Variants in RPS6KA2 observed in about 807,000 individuals in gnomAD.
The protein encoded by RPS6KA2 is ribosomal protein S6 kinase A2.
Under a neutral mutation model 91.8 loss-of-function variants are expected in RPS6KA2, and 42 were observed. The observed-to-expected ratio is 0.46, with a 90% CI of 0.36 to 0.59. The LOEUF (loss-of-function observed/expected upper bound fraction) is 0.59. RPS6KA2 is among the 20% of genes least tolerant of loss of function. The probability of loss-of-function intolerance (pLI) is 0.00; values close to 1 mark genes in which losing one functional copy is unlikely to be tolerated. For synonymous variants in RPS6KA2, 414 were observed against 393.6 expected (o/e 1.05, Z -0.61); for missense variants, 798 against 978.5 (o/e 0.82, Z 2.46).
At chr6:166,549,161 A>G (rs1783918443) in intron 1 of RPS6KA2, among the ~76,000 whole-genome samples, 1 of 152,232 alleles carries the variant, frequency 6.6e-6, no homozygotes, top group Non-Finnish European at 1.5e-5. Flanking sequence ...ATAAAAAAAT[A>G]GTGATAAACA....
intron 1 of RPS6KA2, among the ~76,000 whole-genome samples, chr6:166,553,648 A>G (rs1784088961): frequency 6.6e-6 from 1 of 152,038 alleles, no homozygotes. Flanking sequence ...GACGTGGGCC[A>G]GTCAGCCCTG....
At chr6:166,560,197 T>A (rs1005383865) in intron 1 of RPS6KA2, among the ~76,000 whole-genome samples, 4 of 152,206 alleles carry the variant, frequency 2.6e-5, no homozygotes, top group Non-Finnish European at 5.9e-5. Flanking sequence ...TGGGCATGCA[T>A]TTCTGGCCCT....
rs143431544 is a variant in RPS6KA2, at chr6:166,534,811, G to A, written c.217-3498C>T. Among the ~76,000 whole-genome samples, 18 of 152,356 alleles carry A rather than the reference G, an allele frequency of 1.2e-4. No homozygotes were observed. The East Asian group carries it at 3.5e-3, about 29-fold the overall frequency. ...CTGCCAAGCTTCTCTGTGGGGCCAG[G>A]TACTGCGAATTCCTGCAGCAGGTGC... On this transcript the variant is annotated intron_variant, in intron 2 of 20. Coordinates refer to ENST00000265678, the MANE Select transcript of RPS6KA2 (RefSeq NM_021135.6).
At chr6:166,759,775 C>CGGT (rs1778115972) in intron 2 of RPS6KA2, among the ~76,000 whole-genome samples, 1 of 152,240 alleles carries the variant, frequency 6.6e-6, no homozygotes, top group African/African-American at 2.4e-5. Flanking sequence ...ATACCGTCTA[C>CGGT]CGCTGGCTGC....
chr6:166,650,082 C>T (rs1787801052), intron 2 of RPS6KA2, among the ~76,000 whole-genome samples: 1 of 151,186 alleles, frequency 6.6e-6, no homozygotes, highest in Non-Finnish European at 1.5e-5. Context: ...CCTTAAAAAC[C>T]TGGAAATTTA....
At chr6:166,819,948 C>T (rs1035004283) in intron 2 of RPS6KA2, among the ~76,000 whole-genome samples, 2 of 152,014 alleles carry the variant, frequency 1.3e-5, no homozygotes, top group African/African-American at 2.4e-5. Flanking sequence ...AGAGTTTTTC[C>T]ACTTTTCTAC....
At position 166,659,456 on chromosome 6, in the gene RPS6KA2, A is replaced by AT. The variant is rs1404432066; in HGVS notation, c.124-120673dup. Among the ~76,000 whole-genome samples the AT allele has an allele frequency of 2.0e-5, 3 of 152,202 alleles. No homozygotes were observed. The East Asian group carries it at 5.8e-4, about 29-fold the overall frequency. On this transcript the variant is annotated intron_variant, in intron 2 of 21. Coordinates refer to the RPS6KA2 transcript ENST00000503859. Reference sequence around the variant, plus strand: ...ACAGAGCCAAGGCCACTCAGGGAGGATGGCTTTTGTTGCTTTTACTTCACT... The same window carrying AT: ...ACAGAGCCAAGGCCACTCAGGGAGGATTGGCTTTTGTTGCTTTTACTTCACT...
intron 2 of RPS6KA2, among the ~76,000 whole-genome samples, chr6:166,774,417 T>C (rs1583103138): frequency 2.0e-5 from 3 of 152,116 alleles, no homozygotes; most frequent in Admixed American, 1.3e-4. Context: ...GTGGCTGGAG[T>C]GGTGCAGCCG....
intron 1 of RPS6KA2, among the ~76,000 whole-genome samples, chr6:166,577,388 T>C (rs1014277607): frequency 6.6e-6 from 1 of 152,120 alleles, no homozygotes; most frequent in Non-Finnish European, 1.5e-5. Flanking sequence ...CACCAGCCCA[T>C]GAAAGCAGCT....
intron 3 of RPS6KA2, among the ~76,000 whole-genome samples, chr6:166,521,828 G>A (rs920839824): frequency 2.6e-5 from 4 of 152,202 alleles, no homozygotes; most frequent in African/African-American, 9.6e-5. Context: ...CATAGACTGT[G>A]TATGTTCCCC....
At chr6:166,720,053 C>T (rs1019189104) in intron 2 of RPS6KA2, among the ~76,000 whole-genome samples, 1 of 152,192 alleles carries the variant, frequency 6.6e-6, no homozygotes, top group Non-Finnish European at 1.5e-5. Flanking sequence ...ACCCTGAGTG[C>T]TATTTCTTAT....
chr6:166,672,444 G>A (rs188445186), intron 2 of RPS6KA2, among the ~76,000 whole-genome samples: 19 of 152,250 alleles, frequency 1.2e-4, no homozygotes, highest in Admixed American at 1.0e-3. Flanking sequence ...TGTCCCCCTC[G>A]AGCTCCAACT....
At chr6:166,679,828 C>T (rs962883456) in intron 2 of RPS6KA2, among the ~76,000 whole-genome samples, 6 of 152,206 alleles carry the variant, frequency 3.9e-5, no homozygotes, top group South Asian at 4.1e-4. Flanking sequence ...CAGGTGAGCG[C>T]GGCTCGGCAA....
intron 2 of RPS6KA2, among the ~76,000 whole-genome samples, chr6:166,691,117 AG>A (rs1284003438): frequency 1.1e-4 from 16 of 152,280 alleles, no homozygotes; most frequent in African/African-American, 3.9e-4. Context: ...TCATGCCGGG[AG>A]ACCTGCGCTC....
At chr6:166,783,586 G>A (rs1233466084) in intron 2 of RPS6KA2, among the ~76,000 whole-genome samples, 2 of 150,790 alleles carry the variant, frequency 1.3e-5, no homozygotes, top group Non-Finnish European at 1.5e-5. Context: ...ATATACACAT[G>A]CACACATATC....
At chr6:166,750,041 G>C (rs1383624690) in intron 2 of RPS6KA2, among the ~76,000 whole-genome samples, 4 of 152,124 alleles carry the variant, frequency 2.6e-5, no homozygotes, top group Non-Finnish European at 5.9e-5. Flanking sequence ...TCAGCGGGGA[G>C]GGGCAGGGAG....
chr6:166,757,721 TCCCCTCA>T, intron 2 of RPS6KA2: 1 of 375,984 alleles, frequency 2.7e-6, no homozygotes, highest in Non-Finnish European at 5.4e-6. Context: ...TCCTCTTCCC[TCCCCTCA>T]CCCCTCTCCA....
At chr6:166,548,144 T>C (rs566938092) in intron 1 of RPS6KA2, among the ~76,000 whole-genome samples, 54 of 152,318 alleles carry the variant, frequency 3.5e-4, no homozygotes, top group African/African-American at 1.3e-3. Flanking sequence ...ACATATAAAG[T>C]AACAAAACAA....
At chr6:166,414,320 A>G (rs1021927127) in intron 19 of RPS6KA2, among the ~76,000 whole-genome samples, 1 of 152,244 alleles carries the variant, frequency 6.6e-6, no homozygotes, top group Admixed American at 6.5e-5. Flanking sequence ...GCACATACTT[A>G]CATTTTTTAT....
Sources: allele counts gnomAD v4.1 joint callset (sites outside exome capture counted in the v4.1 genomes callset), GRCh38; gene constraint gnomAD v4.1.1; transcripts MANE v1.5; gene names NCBI Gene and HGNC (gene_info 2026-07-23, HGNC 2026-07-21).